SORCS1: variants seen among roughly 807,000 people sequenced by gnomAD.
SORCS1 encodes VPS10 domain-containing receptor SorCS1.
A neutral mutation model predicts 146.1 loss-of-function variants in SORCS1; 60 were observed. The observed-to-expected ratio is 0.41, with a 90% confidence interval of 0.33 to 0.51. SORCS1 has a LOEUF of 0.51. Among genes scored for constraint, SORCS1 ranks in the 20% least tolerant of loss-of-function variants. SORCS1 has a pLI of 0.21. For missense variants in SORCS1, 1,352 were observed against 1,487.6 expected, an observed-to-expected ratio of 0.91 and a Z score of 1.50; for synonymous variants, 637 against 584.0, an observed-to-expected ratio of 1.09 and a Z score of -1.31.
At chr10:106,787,540 A>G (rs909432874) in intron 3 of SORCS1, among the ~76,000 whole-genome samples, 4 of 152,090 alleles carry the variant, frequency 2.6e-5, no homozygotes, top group Non-Finnish European at 5.9e-5. Context: ...CCTATAAAAC[A>G]CTCATCTGCT....
chr10:106,603,922 C>G (rs560498020), intron 23 of SORCS1, among the ~76,000 whole-genome samples: 1 of 152,138 alleles, frequency 6.6e-6, no homozygotes, highest in South Asian at 2.1e-4. Flanking sequence ...TTGTCACTGA[C>G]AGCACATTAT....
At chr10:106,891,501 A>ATTTTTTTTTTTTTTTT (rs562213104) in intron 2 of SORCS1, among the ~76,000 whole-genome samples, 2 of 74,062 alleles carry the variant, frequency 2.7e-5, no homozygotes, top group African/African-American at 1.2e-4. Context: ...TTCAATGGGA[A>ATTTTTTTTTTTTTTTT]TTCTTTTTTT....
At chr10:106,804,338 G>GAAAATAAAAT (rs374338257) in intron 3 of SORCS1, among the ~76,000 whole-genome samples, 11,938 of 138,052 alleles carry the variant, frequency 0.086, 667 homozygotes, top group African/African-American at 0.13. Context: ...TTTCCGAAGA[G>GAAAATAAAAT]AAAATAAAAT....
chr10:106,734,304 T>C (rs747762536), intron 5 of SORCS1, among the ~76,000 whole-genome samples: 9 of 152,158 alleles, frequency 5.9e-5, no homozygotes, highest in Non-Finnish European at 1.3e-4. Flanking sequence ...TCTGCCTTCA[T>C]AACTCTTATT....
chr10:106,751,134 G>A (rs1858197741), intron 5 of SORCS1, among the ~76,000 whole-genome samples: 1 of 145,142 alleles, frequency 6.9e-6, no homozygotes, highest in Non-Finnish European at 1.5e-5. Flanking sequence ...CAGCATTCAT[G>A]TGGAGATCAT....
intron 2 of SORCS1, among the ~76,000 whole-genome samples, chr10:106,900,061 T>C (rs1951644242): frequency 6.6e-6 from 1 of 152,006 alleles, no homozygotes; most frequent in Admixed American, 6.5e-5. Context: ...TCAAGGGACA[T>C]CTCCCTTGGG....
In SORCS1 at chr10:107,131,162, C is replaced by T. The variant is rs186261372; in HGVS notation, c.558+32807G>A. Among the ~76,000 whole-genome samples the T allele has an allele frequency of 1.9e-3, 285 of 152,266 alleles. 2 individuals are homozygous for T. Among genetic ancestry groups the T allele is most frequent in the Admixed American group, 5.4e-3 (82 of 15,284 alleles). ...CTGTCCTTAGTTCTGAGCATTCTTGCATTTGGGCTTCTTTTGTATTTCTTT... is the reference window on the plus strand; with the variant it reads ...CTGTCCTTAGTTCTGAGCATTCTTGTATTTGGGCTTCTTTTGTATTTCTTT... On this transcript the variant is annotated intron_variant, in intron 1 of 25. Transcript: ENST00000263054.
intron 17 of SORCS1, among the ~76,000 whole-genome samples, chr10:106,655,137 G>A (rs764787138): frequency 1.3e-5 from 2 of 152,130 alleles, no homozygotes; most frequent in Non-Finnish European, 2.9e-5. Flanking sequence ...CTAAAGACAT[G>A]AGCCACCACG....
At chr10:107,024,869 G>C (rs1958327592) in intron 1 of SORCS1, among the ~76,000 whole-genome samples, 1 of 152,130 alleles carries the variant, frequency 6.6e-6, no homozygotes, top group Admixed American at 6.5e-5. Context: ...CTAAAATATA[G>C]TAGTTTATGA....
intron 8 of SORCS1, among the ~76,000 whole-genome samples, chr10:106,704,012 T>G (rs1169121822): frequency 6.6e-6 from 1 of 152,160 alleles, no homozygotes; most frequent in African/African-American, 2.4e-5. Flanking sequence ...AGATGCAAAT[T>G]TGGGTTCAAA....
At chr10:107,150,708 T>C (rs762704039) in intron 1 of SORCS1, among the ~76,000 whole-genome samples, 1 of 152,326 alleles carries the variant, frequency 6.6e-6, no homozygotes, top group East Asian at 1.9e-4. Context: ...AACTGAACCA[T>C]GGGAGCAGTT....
At chr10:106,617,398 T>C (rs1361393828) in intron 21 of SORCS1, among the ~76,000 whole-genome samples, 1 of 152,186 alleles carries the variant, frequency 6.6e-6, no homozygotes, top group Non-Finnish European at 1.5e-5. Flanking sequence ...CATTTCCATA[T>C]TAATAATAAA....
chr10:106,647,346 T>C (rs1437329584), intron 18 of SORCS1, among the ~76,000 whole-genome samples: 3 of 151,210 alleles, frequency 2.0e-5, no homozygotes, highest in Non-Finnish European at 4.4e-5. Flanking sequence ...GTTTTTAGAT[T>C]TGAGTATAAA....
At chr10:107,006,026 A>G (rs374444773) in intron 1 of SORCS1, among the ~76,000 whole-genome samples, 1 of 152,114 alleles carries the variant, frequency 6.6e-6, no homozygotes, top group South Asian at 2.1e-4. Flanking sequence ...TCCCCTTCAT[A>G]TTTCCCTACA....
chr10:106,855,996 G>A (rs148935473), intron 2 of SORCS1, among the ~76,000 whole-genome samples: 13 of 151,690 alleles, frequency 8.6e-5, no homozygotes, highest in Non-Finnish European at 1.8e-4. Context: ...TTGTGTGATG[G>A]TAATACGGGG....
chr10:107,165,483 C>G (rs1334503818), upstream of SORCS1, among the ~76,000 whole-genome samples: 4 of 152,080 alleles, frequency 2.6e-5, no homozygotes, highest in African/African-American at 7.3e-5. This position sits in a 1 kb window ranked among gnomAD's most constrained non-coding sequence, Gnocchi z 4.0. Flanking sequence ...CTTGGTTTCC[C>G]TAAGAGACTG....
intron 8 of SORCS1, among the ~76,000 whole-genome samples, chr10:106,704,319 A>G (rs565368748): frequency 6.6e-6 from 1 of 152,318 alleles, no homozygotes; most frequent in East Asian, 1.9e-4. Context: ...TACTACCTTG[A>G]GAGTCAGGAG....
At chr10:106,941,973 T>C (rs1323309243) in intron 2 of SORCS1, among the ~76,000 whole-genome samples, 1 of 152,178 alleles carries the variant, frequency 6.6e-6, no homozygotes, top group Admixed American at 6.5e-5. Flanking sequence ...GGAGGTGGGT[T>C]GTCACTCACA....
intron 1 of SORCS1, among the ~76,000 whole-genome samples, chr10:106,980,206 T>C (rs1425639776): frequency 6.6e-6 from 1 of 152,216 alleles, no homozygotes; most frequent in Non-Finnish European, 1.5e-5. Context: ...GTTGGGCCAA[T>C]GTGTCTAACC....
Sources: allele counts gnomAD v4.1 joint callset (sites outside exome capture counted in the v4.1 genomes callset), GRCh38; gene constraint gnomAD v4.1.1; non-coding constraint Gnocchi (gnomAD v3.1); transcripts MANE v1.5; gene names NCBI Gene and HGNC (gene_info 2026-07-23, HGNC 2026-07-21).